ARHGAP20: variants seen among roughly 807,000 people sequenced by gnomAD.
ARHGAP20 encodes rho GTPase-activating protein 20.
Under a neutral mutation model 73.7 loss-of-function variants are expected in ARHGAP20, and 34 were observed. That is an observed-to-expected ratio of 0.46 (90% CI 0.35 to 0.61). The LOEUF is 0.61. ARHGAP20 is among the 20% of genes least tolerant of loss of function. ARHGAP20 has a pLI of 0.00. For missense variants in ARHGAP20, 1,314 were observed against 1,420.9 expected, an observed-to-expected ratio of 0.92 and a Z score of 1.21; for synonymous variants, 523 against 518.2, an observed-to-expected ratio of 1.01 and a Z score of -0.13.
chr11:110,616,280 G>A (rs1169471295), intron 4 of ARHGAP20, among the ~76,000 whole-genome samples: 1 of 152,090 alleles, frequency 6.6e-6, no homozygotes, highest in East Asian at 1.9e-4. Flanking sequence ...TTTTTATGCT[G>A]ATTTCACTAT....
chr11:110,699,938 G>T (rs1182314052), intron 1 of ARHGAP20, among the ~76,000 whole-genome samples: 1 of 151,942 alleles, frequency 6.6e-6, no homozygotes, highest in African/African-American at 2.4e-5. Flanking sequence ...AAATGAAGTT[G>T]TAAATAGGTA....
In ARHGAP20 at chr11:110,624,145, C is replaced by T. The variant is rs376280334; in HGVS notation, c.503+17G>A. The T allele has an allele frequency of 6.9e-6, 11 of 1,604,854 alleles. No individual in the cohort carries two copies. The highest frequency in any genetic ancestry group is 9.3e-6 in the Non-Finnish European group (11 of 1,177,794). On this transcript the variant is annotated intron_variant, in intron 4 of 14. Coordinates refer to ENST00000683387, the MANE Select transcript of ARHGAP20 (RefSeq NM_001384657.1). ...GTAGCTAACCCAGGTAAATAGAGGA[C>T]AAGCTGTGGTTCTTACCTGAAAGTG... is the stretch of plus-strand genomic sequence containing the variant.
At chr11:110,700,662 A>G (rs1950428154) in intron 1 of ARHGAP20, among the ~76,000 whole-genome samples, 1 of 151,682 alleles carries the variant, frequency 6.6e-6, no homozygotes, top group Non-Finnish European at 1.5e-5. Flanking sequence ...ATATGTATAC[A>G]TGTGCCATGC....
At chr11:110,650,025 ATC>A (rs1354408570) in intron 2 of ARHGAP20, among the ~76,000 whole-genome samples, 1 of 152,194 alleles carries the variant, frequency 6.6e-6, no homozygotes, top group African/African-American at 2.4e-5. Flanking sequence ...CTTTAAAAAA[ATC>A]TCTGTGTCCC....
intron 3 of ARHGAP20, among the ~76,000 whole-genome samples, chr11:110,630,024 C>A (rs1223182369): frequency 1.3e-5 from 2 of 152,156 alleles, no homozygotes; most frequent in African/African-American, 2.4e-5. Flanking sequence ...TATAACCTAA[C>A]CCTTGTCTAC....
chr11:110,707,669 G>A (rs1591197640), intron 1 of ARHGAP20, among the ~76,000 whole-genome samples: 2 of 151,900 alleles, frequency 1.3e-5, no homozygotes, highest in African/African-American at 4.8e-5. Context: ...CCTACCTCAG[G>A]ACCTTTGAAC....
At chr11:110,660,061 C>CAAAAAAAAAAAAACAAAAAAAAAAAAAA (rs1949567363) in intron 2 of ARHGAP20, among the ~76,000 whole-genome samples, 1 of 69,250 alleles carries the variant, frequency 1.4e-5, no homozygotes, top group African/African-American at 4.7e-5. Flanking sequence ...TAATAAAAAA[C>CAAAAAAAAAAAAACAAAAAAAAAAAAAA]AAAAAAAAAA....
chr11:110,599,201 T>TG lies in ARHGAP20; in HGVS notation c.965-7047dup, dbSNP rs528516155. ...GTAGACATAGACATTTCTGTACTCT[T>TG]GGGGGTCCTTAAGGCCACCCCTGCC... On this transcript the variant is annotated intron_variant, in intron 9 of 14. Coordinates refer to ENST00000683387, the MANE Select transcript of ARHGAP20 (RefSeq NM_001384657.1). Among the ~76,000 whole-genome samples the TG allele has an allele frequency of 9.9e-5, 15 of 152,262 alleles. No homozygotes were observed. The East Asian group carries it at 2.7e-3, about 27-fold the overall frequency.
chr11:110,644,727 C>T (rs1949150363), intron 2 of ARHGAP20, among the ~76,000 whole-genome samples: 1 of 152,008 alleles, frequency 6.6e-6, no homozygotes, highest in Non-Finnish European at 1.5e-5. Flanking sequence ...CAATATTGGC[C>T]TTGACAAGAA....
At chr11:110,641,407 T>C (rs1949074626) in intron 2 of ARHGAP20, among the ~76,000 whole-genome samples, 1 of 152,030 alleles carries the variant, frequency 6.6e-6, no homozygotes, top group Non-Finnish European at 1.5e-5. Flanking sequence ...ATTCACTTAG[T>C]ACAAGGCACT....
chr11:110,689,518 C>T (rs1950201976), intron 2 of ARHGAP20, among the ~76,000 whole-genome samples: 6 of 151,816 alleles, frequency 4.0e-5, no homozygotes, highest in Non-Finnish European at 2.9e-5. Context: ...AAAAAATTAA[C>T]GAATAAATTA....
intron 2 of ARHGAP20, among the ~76,000 whole-genome samples, chr11:110,654,294 T>A (rs1191383248): frequency 6.6e-6 from 1 of 152,174 alleles, no homozygotes; most frequent in African/African-American, 2.4e-5. Context: ...AACATTAAAG[T>A]AGTCACCCAT....
rs77419568 is a variant in ARHGAP20, at chr11:110,625,032, A to T, written c.354-721T>A. On this transcript the variant is annotated intron_variant, in intron 3 of 14. Transcript: ENST00000683387. The stretch of plus-strand genomic sequence containing the variant: ...TTATTTTTTTTTTATTTTTATTTTT[A>T]TTTTTTTTTTTTTTTTGAGACGGAG... Among the ~76,000 whole-genome samples the T allele has an allele frequency of 1.4e-3, 153 of 108,080 alleles. 1 individual carries two copies. Among genetic ancestry groups the T allele is most frequent in the East Asian group, 7.8e-3 (36 of 4,588 alleles). The allele number at this position is 108,080 out of a possible 152,430, so 70.9% of individuals were successfully genotyped here.
chr11:110,707,439 C>T (rs1379183042), intron 1 of ARHGAP20, among the ~76,000 whole-genome samples: 1 of 152,034 alleles, frequency 6.6e-6, no homozygotes, highest in Non-Finnish European at 1.5e-5. Context: ...AATTACTGTA[C>T]AAATTTATTG....
At chr11:110,670,186 A>G (rs1006940154) in intron 2 of ARHGAP20, among the ~76,000 whole-genome samples, 2 of 152,052 alleles carry the variant, frequency 1.3e-5, no homozygotes, top group Non-Finnish European at 2.9e-5. Flanking sequence ...AAAATCACAC[A>G]CTTTATGTGT....
chr11:110,585,089 A>G lies in ARHGAP20; in HGVS notation c.1415+1127T>C, dbSNP rs553671150. On this transcript the variant is annotated intron_variant, in intron 12 of 14. Coordinates refer to ENST00000683387, the MANE Select transcript of ARHGAP20 (RefSeq NM_001384657.1). ...TGAACATATATGAATACATGAATAT[A>G]TGTGAATATATGAATATATGTGAAT... Among the ~76,000 whole-genome samples the G allele has an allele frequency of 8.4e-4, 127 of 150,514 alleles. 1 individual carries two copies. Among genetic ancestry groups the G allele is most frequent in the African/African-American group, 2.7e-3 (113 of 41,112 alleles).
chr11:110,650,286 G>T (rs1661389123), intron 2 of ARHGAP20, among the ~76,000 whole-genome samples: 1 of 152,106 alleles, frequency 6.6e-6, no homozygotes, highest in Non-Finnish European at 1.5e-5. Context: ...TAGTACAGAG[G>T]ATTCAAATGT....
rs1483275902 is a variant in ARHGAP20, at chr11:110,709,317, CA to C, written c.105+2809del. 2.6e-5 allele frequency among the ~76,000 whole-genome samples: 4 copies of C among 152,262 alleles called. No individual in the cohort carries two copies. The East Asian group carries it at 7.7e-4, about 29-fold the overall frequency. ...GTCCTGTTCACTGCTGTACATAACC[CA>C]ACTAATATTTACGGAAAATCTAATA... is the stretch of plus-strand genomic sequence containing the variant. On this transcript the variant is annotated intron_variant, in intron 1 of 14. Transcript: ENST00000683387.
At chr11:110,679,449 A>G (rs1354882003) in intron 2 of ARHGAP20, among the ~76,000 whole-genome samples, 5 of 152,194 alleles carry the variant, frequency 3.3e-5, no homozygotes, top group African/African-American at 1.2e-4. Context: ...CAGATTCTAC[A>G]TAAGCAAATG....
Sources: gnomAD v4.1 joint callset for allele counts (sites outside exome capture counted in the v4.1 genomes callset) on GRCh38, gnomAD v4.1.1 for gene constraint, MANE v1.5 for transcripts, NCBI Gene and HGNC (gene_info 2026-07-23, HGNC 2026-07-21) for gene names.